Variants in TENM1 observed in about 807,000 individuals in gnomAD.
TENM1 encodes teneurin transmembrane protein 1, also known as teneurin-1.
TENM1 carries 35 observed loss-of-function variants against 174.8 expected under a neutral mutation model. That is an observed-to-expected ratio of 0.20 (90% CI 0.15 to 0.27). The LOEUF is 0.27. Among genes scored for constraint, TENM1 ranks in the 10% least tolerant of loss-of-function variants. The pLI is 1.00. For missense variants in TENM1, 1,633 were observed against 2,130.1 expected (o/e 0.77, Z 4.59); for synonymous variants, 781 against 798.7 (o/e 0.98, Z 0.37).
At chrX:125,024,499 CAG>C in the TENM1 span, among the ~76,000 whole-genome samples, 1 of 110,957 alleles carries the variant, frequency 9.0e-6, no homozygotes, top group Non-Finnish European at 1.9e-5. Context: ...TATTCAGAAA[CAG>C]AAAGTCAAAA....
chrX:124,715,039 G>A (rs897437600), intron 4 of TENM1, among the ~76,000 whole-genome samples: 3 of 112,155 alleles, frequency 2.7e-5, no homozygotes, highest in Non-Finnish European at 3.8e-5. Flanking sequence ...AAATGTTCCT[G>A]TATTAAAAGG....
At chrX:124,720,143 C>T (rs2053277699) in intron 4 of TENM1, among the ~76,000 whole-genome samples, 1 of 111,758 alleles carries the variant, frequency 8.9e-6, no homozygotes, top group African/African-American at 3.3e-5. Context: ...GAATGGACCC[C>T]TCCTCTTGGC....
chrX:125,049,427 G>T, the TENM1 span, among the ~76,000 whole-genome samples: 2 of 111,851 alleles, frequency 1.8e-5, no homozygotes, highest in African/African-American at 6.5e-5. Flanking sequence ...TTTTATGGCT[G>T]AACGATATTT....
chrX:124,959,647 A>T (rs1271790323), intron 1 of TENM1, among the ~76,000 whole-genome samples: 1 of 111,161 alleles, frequency 9.0e-6, no homozygotes, highest in African/African-American at 3.3e-5. Flanking sequence ...AGCTACCTGG[A>T]TGTCATACCA....
chrX:124,521,460 G>A (rs1341506532), intron 17 of TENM1, among the ~76,000 whole-genome samples: 4 of 112,072 alleles, frequency 3.6e-5, no homozygotes, highest in Non-Finnish European at 7.5e-5. Flanking sequence ...TCTCCAAGTT[G>A]GCACTTGTGA....
chrX:124,534,006 A>G (rs951300851), intron 15 of TENM1, among the ~76,000 whole-genome samples: 5 of 111,839 alleles, frequency 4.5e-5, no homozygotes, highest in African/African-American at 1.6e-4. Flanking sequence ...GGCATGTCCA[A>G]TGTGACTCTA....
At chrX:124,531,028 C>T (rs1279350985) in intron 15 of TENM1, among the ~76,000 whole-genome samples, 1 of 110,142 alleles carries the variant, frequency 9.1e-6, no homozygotes, top group African/African-American at 3.3e-5. Context: ...CTAGTCTTGG[C>T]AGCCCTGAGC....
At chrX:124,817,132 T>A (rs187572159) in intron 3 of TENM1, among the ~76,000 whole-genome samples, 1 of 111,134 alleles carries the variant, frequency 9.0e-6, no homozygotes, top group Admixed American at 9.6e-5. Context: ...AGTGAGAACA[T>A]GCGGTGTTTG....
chrX:125,177,914 C>T, the TENM1 span, among the ~76,000 whole-genome samples: 16 of 111,726 alleles, frequency 1.4e-4, no homozygotes, highest in African/African-American at 5.2e-4. Context: ...TGTTTTTCTT[C>T]CATATTTTTT....
intron 23 of TENM1, 53 bp from the exon 27 acceptor site, chrX:124,422,691 A>G (rs937121604): frequency 2.8e-5 from 31 of 1,119,261 alleles, no homozygotes; most frequent in Non-Finnish European, 3.3e-5. Flanking sequence ...TTCCATGGAC[A>G]GTTTTAACTT....
chrX:124,445,998 C>T (rs1230749875), intron 23 of TENM1, among the ~76,000 whole-genome samples: 1 of 112,317 alleles, frequency 8.9e-6, no homozygotes, highest in Non-Finnish European at 1.9e-5. Flanking sequence ...AGTTCAGTTT[C>T]AGATTTCAGT....
intron 3 of TENM1, among the ~76,000 whole-genome samples, chrX:124,844,707 T>C (rs886875894): frequency 1.8e-5 from 2 of 112,215 alleles, no homozygotes; most frequent in African/African-American, 6.5e-5. Context: ...AAAGTTGCAC[T>C]GAAGGTAAAA....
chrX:125,131,498 GT>G, the TENM1 span, among the ~76,000 whole-genome samples: 1 of 111,841 alleles, frequency 8.9e-6, no homozygotes, highest in African/African-American at 3.3e-5. Flanking sequence ...CTGTCCAATA[GT>G]TTTGTATGTT....
intron 3 of TENM1, among the ~76,000 whole-genome samples, chrX:124,860,276 C>T (rs866482734): frequency 1.8e-5 from 2 of 111,911 alleles, no homozygotes; most frequent in South Asian, 3.8e-4. Context: ...GCACTTAACC[C>T]ACATTCTTAT....
chrX:124,507,383 A>G (rs1794188383), intron 18 of TENM1, among the ~76,000 whole-genome samples: 2 of 111,465 alleles, frequency 1.8e-5, no homozygotes, highest in African/African-American at 6.5e-5. Context: ...CTTCACCTCC[A>G]CACAGAGATA....
chrX:124,520,399 T>C, intron 18 of TENM1, 118 bp downstream of exon 21: 1 of 761,945 alleles, frequency 1.3e-6, no homozygotes, highest in South Asian at 3.2e-5. Context: ...TAAAAATGCC[T>C]TAGGTCCTTT....
intron 3 of TENM1, among the ~76,000 whole-genome samples, chrX:124,853,563 G>A (rs374643055): frequency 1.8e-5 from 2 of 111,029 alleles, no homozygotes; most frequent in African/African-American, 6.5e-5. Context: ...TAGGGTGGCA[G>A]GGAATAGAGG....
At chrX:124,956,412 G>T (rs2058574775) in intron 1 of TENM1, among the ~76,000 whole-genome samples, 1 of 112,138 alleles carries the variant, frequency 8.9e-6, no homozygotes, top group Non-Finnish European at 1.9e-5. Flanking sequence ...TGCGTGAAAT[G>T]CCATTTTGAA....
intron 14 of TENM1, among the ~76,000 whole-genome samples, chrX:124,550,798 G>A (rs1162361489): frequency 2.2e-4 from 24 of 106,841 alleles, no homozygotes; most frequent in African/African-American, 3.4e-4. Context: ...TTGCTCTGTC[G>A]CCCAGGCTGG....
Sources: allele counts gnomAD v4.1 joint callset (sites outside exome capture counted in the v4.1 genomes callset), GRCh38; gene constraint gnomAD v4.1.1; transcripts MANE v1.5; gene names NCBI Gene and HGNC (gene_info 2026-07-23, HGNC 2026-07-21).